The following KAZN variants were observed in gnomAD, a reference collection of about 807,000 sequenced individuals.
KAZN encodes the protein kazrin.
KAZN carries 40 observed loss-of-function variants against 87.4 expected under a neutral mutation model. The ratio of observed to expected loss-of-function variants is 0.46; its 90% CI spans 0.36 to 0.60. The LOEUF is 0.60. Among genes scored for constraint, KAZN ranks in the 20% least tolerant of loss-of-function variants. KAZN has a pLI of 0.00. For missense variants in KAZN, 898 were observed against 1,073.9 expected (o/e 0.84, Z 2.29); for synonymous variants, 466 against 458.3 (o/e 1.02, Z -0.22).
intron 2 of KAZN, among the ~76,000 whole-genome samples, chr1:14,530,297 G>A (rs1313775536): frequency 6.6e-6 from 1 of 152,198 alleles, no homozygotes; most frequent in East Asian, 1.9e-4. Context: ...TCTAATCCAG[G>A]AGAGTCTGAG....
chr1:14,565,913 T>C (rs1330507427), intron 2 of KAZN, among the ~76,000 whole-genome samples: 1 of 152,214 alleles, frequency 6.6e-6, no homozygotes, highest in Non-Finnish European at 1.5e-5. Context: ...TCCACTGACA[T>C]CTTAAATTCT....
At chr1:14,563,289 T>A (rs1475633495) in intron 2 of KAZN, among the ~76,000 whole-genome samples, 1 of 152,182 alleles carries the variant, frequency 6.6e-6, no homozygotes, top group African/African-American at 2.4e-5. Flanking sequence ...ACAAGGGTCA[T>A]CTGGGGAGCT....
At chr1:14,214,202 A>C (rs1177477521) in intron 2 of KAZN, among the ~76,000 whole-genome samples, 1 of 149,962 alleles carries the variant, frequency 6.7e-6, no homozygotes, top group Non-Finnish European at 1.5e-5. Flanking sequence ...AGAAGAAATG[A>C]TCCAAGGACC....
intron 1 of KAZN, among the ~76,000 whole-genome samples, chr1:14,152,385 G>T (rs1382704934): frequency 6.6e-6 from 1 of 151,982 alleles, no homozygotes; most frequent in Non-Finnish European, 1.5e-5. Context: ...TTACCTCCAT[G>T]AGTTCAACTC....
At chr1:13,904,805 C>T (rs1639376022) in intron 1 of KAZN, among the ~76,000 whole-genome samples, 1 of 152,130 alleles carries the variant, frequency 6.6e-6, no homozygotes, top group Admixed American at 6.5e-5. Context: ...ATCTCAGATG[C>T]AAATCATGTA....
chr1:14,186,973 G>A (rs949679624), intron 2 of KAZN, among the ~76,000 whole-genome samples: 5 of 152,118 alleles, frequency 3.3e-5, no homozygotes, highest in Non-Finnish European at 5.9e-5. Context: ...GTGGAATCTC[G>A]GAGAAGGACC....
chr1:14,290,060 G>A (rs1653559851), intron 2 of KAZN, among the ~76,000 whole-genome samples: 1 of 152,144 alleles, frequency 6.6e-6, no homozygotes, highest in Non-Finnish European at 1.5e-5. Context: ...TTAGTCTGAT[G>A]GGCTTCCCTT....
rs78149326 is a variant in KAZN, at chr1:14,441,479, C to T, written c.250-157504C>T. ...GAAACCCTGGGCGTGAGGCCAGCGA[C>T]ATTTTACAAGTCCTCCAGGTGATTC... On this transcript the variant is annotated intron_variant, in intron 2 of 16. Coordinates refer to the KAZN transcript ENST00000636203. Among the ~76,000 whole-genome samples the T allele has an allele frequency of 4.7e-3, 722 of 152,284 alleles. 5 individuals are homozygous for T. The highest frequency in any genetic ancestry group is 0.023 in the South Asian group (109 of 4,822).
chr1:14,960,922 C>T (rs1663782909), intron 2 of KAZN, 47 bp downstream of exon 2: 1 of 1,561,276 alleles, frequency 6.4e-7, no homozygotes. Flanking sequence ...GCTCAGGCCC[C>T]AGGGATCTGG....
At chr1:14,796,409 C>T (rs1174293174) in intron 1 of KAZN, among the ~76,000 whole-genome samples, 6 of 152,314 alleles carry the variant, frequency 3.9e-5, no homozygotes, top group Admixed American at 3.3e-4. Context: ...ACCACATCTC[C>T]ACCACCCCGC....
At chr1:14,915,599 C>T (rs541924539) in intron 1 of KAZN, among the ~76,000 whole-genome samples, 1 of 152,202 alleles carries the variant, frequency 6.6e-6, no homozygotes, top group Admixed American at 6.5e-5. Flanking sequence ...CTGAGTCCCC[C>T]CTCTTTATGA....
intron 1 of KAZN, among the ~76,000 whole-genome samples, chr1:14,846,938 T>C (rs1240163109): frequency 1.3e-5 from 2 of 152,158 alleles, no homozygotes; most frequent in African/African-American, 4.8e-5. Flanking sequence ...CCACAGCCCC[T>C]GGCAGGGAGC....
intron 2 of KAZN, among the ~76,000 whole-genome samples, chr1:15,004,590 G>A (rs1557706952): frequency 6.6e-6 from 1 of 152,214 alleles, no homozygotes; most frequent in African/African-American, 2.4e-5. Flanking sequence ...ACAGGGCCAG[G>A]CATGTAGCCG....
chr1:14,747,427 C>T (rs1451220267), intron 1 of KAZN, among the ~76,000 whole-genome samples: 1 of 152,174 alleles, frequency 6.6e-6, no homozygotes, highest in Non-Finnish European at 1.5e-5. Flanking sequence ...CAGGCATGCA[C>T]CACCATGCCT....
intron 1 of KAZN, among the ~76,000 whole-genome samples, chr1:14,753,101 T>C (rs1257033084): frequency 6.6e-6 from 1 of 152,196 alleles, no homozygotes; most frequent in African/African-American, 2.4e-5. Context: ...TTGAGGTCAA[T>C]TGCCGACTGT....
intron 1 of KAZN, among the ~76,000 whole-genome samples, chr1:13,959,004 G>A (rs1373517488): frequency 6.6e-6 from 1 of 152,120 alleles, no homozygotes; most frequent in African/African-American, 2.4e-5. Context: ...GATCATGCCT[G>A]TGGTCTAGGC....
At chr1:14,664,519 G>C (rs113570300) in intron 1 of KAZN, among the ~76,000 whole-genome samples, 1 of 152,118 alleles carries the variant, frequency 6.6e-6, no homozygotes, top group Non-Finnish European at 1.5e-5. Context: ...AAACAATTTA[G>C]TGATTCCTAC....
chr1:14,808,048 A>T (rs575930903), intron 1 of KAZN, among the ~76,000 whole-genome samples: 3 of 152,258 alleles, frequency 2.0e-5, no homozygotes, highest in Non-Finnish European at 4.4e-5. Context: ...AGGCAAATAA[A>T]CCAGTCCCAC....
intron 2 of KAZN, among the ~76,000 whole-genome samples, chr1:14,963,474 A>G (rs752775095): frequency 7.2e-5 from 11 of 152,198 alleles, no homozygotes; most frequent in African/African-American, 1.2e-4. Context: ...GTATGGTCGC[A>G]GGGAAGGAAG....
Sources: allele counts gnomAD v4.1 joint callset (sites outside exome capture counted in the v4.1 genomes callset), GRCh38; gene constraint gnomAD v4.1.1; transcripts MANE v1.5; gene names NCBI Gene and HGNC (gene_info 2026-07-23, HGNC 2026-07-21).